Variants in BLTP3A observed in about 807,000 individuals in gnomAD.
BLTP3A encodes ICBP90 binding protein 1.
the BLTP3A span, among the ~76,000 whole-genome samples, chr6:34,849,972 C>T: frequency 3.3e-5 from 5 of 152,156 alleles, no homozygotes; most frequent in Admixed American, 6.5e-5. Flanking sequence ...GAAACCCTGT[C>T]TCTACTAAAA....
the BLTP3A span, among the ~76,000 whole-genome samples, chr6:34,814,004 T>C: frequency 7.6e-6 from 1 of 132,104 alleles, no homozygotes; most frequent in African/African-American, 2.9e-5. Context: ...TGGAACATCT[T>C]TTATTTTTAT....
At chr6:34,803,669 C>T in the BLTP3A span, among the ~76,000 whole-genome samples, 1 of 152,316 alleles carries the variant, frequency 6.6e-6, no homozygotes, top group East Asian at 1.9e-4. Flanking sequence ...TCCACAGATA[C>T]TCCAAAAGTT....
the BLTP3A span, among the ~76,000 whole-genome samples, chr6:34,822,539 C>T: frequency 6.6e-6 from 1 of 152,098 alleles, no homozygotes; most frequent in African/African-American, 2.4e-5. Flanking sequence ...GCGCCTGGCA[C>T]TCCTTGAAAT....
At chr6:34,795,496 C>G in the BLTP3A span, among the ~76,000 whole-genome samples, 2 of 151,396 alleles carry the variant, frequency 1.3e-5, no homozygotes, top group African/African-American at 2.4e-5. Context: ...CTCCTGGGTT[C>G]AAGCGATTCT....
the BLTP3A span, chr6:34,873,116 G>T: frequency 2.6e-5 from 4 of 152,226 alleles, no homozygotes; most frequent in Admixed American, 6.5e-5. Flanking sequence ...TGCTGTGGTA[G>T]AAAGTAAATA....
chr6:34,862,683 A>C, the BLTP3A span, among the ~76,000 whole-genome samples: 1 of 151,460 alleles, frequency 6.6e-6, no homozygotes, highest in African/African-American at 2.4e-5. Context: ...AAATACAAAA[A>C]ATTAGCTGAG....
chr6:34,864,653 G>GA, the BLTP3A span, among the ~76,000 whole-genome samples: 3 of 149,822 alleles, frequency 2.0e-5, no homozygotes, highest in African/African-American at 7.4e-5. Flanking sequence ...TGAAATAATA[G>GA]AAACTTAGGA....
the BLTP3A span, chr6:34,864,264 C>G: frequency 1.4e-6 from 2 of 1,438,124 alleles, no homozygotes; most frequent in Non-Finnish European, 1.9e-6. Flanking sequence ...CTGCCTGTAT[C>G]AGACTGGCAG....
At chr6:34,858,848 A>T in the BLTP3A span, 1 of 1,614,134 alleles carries the variant, frequency 6.2e-7, no homozygotes, top group Non-Finnish European at 8.5e-7. Context: ...GTGAGGCTTG[A>T]CCACTACCAG....
chr6:34,867,659 T>C, the BLTP3A span: 2 of 1,587,164 alleles, frequency 1.3e-6, no homozygotes, highest in African/African-American at 2.7e-5. Context: ...GGGACTTGTC[T>C]AGGACAGCCA....
At chr6:34,872,204 A>G in the BLTP3A span, 2 of 1,310,248 alleles carry the variant, frequency 1.5e-6, no homozygotes, top group Admixed American at 4.7e-5. Flanking sequence ...AATCATTGAC[A>G]TAACTTGTGG....
At chr6:34,829,981 G>T in the BLTP3A span, among the ~76,000 whole-genome samples, 3 of 151,676 alleles carry the variant, frequency 2.0e-5, no homozygotes, top group African/African-American at 4.8e-5. Flanking sequence ...ATTTTTTTGT[G>T]TGTGTGTGTT....
At chr6:34,816,443 C>T in the BLTP3A span, among the ~76,000 whole-genome samples, 1 of 151,842 alleles carries the variant, frequency 6.6e-6, no homozygotes, top group Non-Finnish European at 1.5e-5. Flanking sequence ...GACCCCATCT[C>T]TACAAAAAAT....
the BLTP3A span, among the ~76,000 whole-genome samples, chr6:34,866,137 G>A: frequency 2.0e-5 from 3 of 152,258 alleles, no homozygotes; most frequent in Non-Finnish European, 4.4e-5. Flanking sequence ...AGAGAAGGCC[G>A]GCACAGTACC....
chr6:34,850,432 T>C, the BLTP3A span, among the ~76,000 whole-genome samples: 2 of 152,236 alleles, frequency 1.3e-5, no homozygotes, highest in East Asian at 1.9e-4. Context: ...ATTATCCCTT[T>C]GAGTGAACTT....
chr6:34,806,563 G>T, the BLTP3A span, among the ~76,000 whole-genome samples: 5 of 152,174 alleles, frequency 3.3e-5, no homozygotes, highest in African/African-American at 1.2e-4. Context: ...CAGCCTTACT[G>T]TATGAATTTT....
chr6:34,803,336 T>C, the BLTP3A span, among the ~76,000 whole-genome samples: 16 of 152,120 alleles, frequency 1.1e-4, no homozygotes, highest in Admixed American at 1.0e-3. Context: ...AAGTTTGCTC[T>C]TGTACACTCT....
the BLTP3A span, among the ~76,000 whole-genome samples, chr6:34,807,709 T>C: frequency 5.7e-3 from 875 of 152,286 alleles, 12 homozygotes; most frequent in Non-Finnish European, 4.5e-3. Context: ...TAAATCCATA[T>C]CATGTCTATG....
the BLTP3A span, among the ~76,000 whole-genome samples, chr6:34,813,669 A>C: frequency 6.6e-6 from 1 of 152,196 alleles, no homozygotes; most frequent in Non-Finnish European, 1.5e-5. Flanking sequence ...TAGGAACACA[A>C]ATGCTTTTTT....
Sources: gnomAD v4.1 joint callset for allele counts (sites outside exome capture counted in the v4.1 genomes callset) on GRCh38, gnomAD v4.1.1 for gene constraint, MANE v1.5 for transcripts, NCBI Gene and HGNC (gene_info 2026-07-23, HGNC 2026-07-21) for gene names.